Variants in CDKL2 observed in about 807,000 individuals in gnomAD.
CDKL2 encodes the protein cyclin dependent kinase like 2.
Under a neutral mutation model 63.9 loss-of-function variants are expected in CDKL2, and 64 were observed. The observed-to-expected ratio is 1.00, with a 90% CI of 0.82 to 1.23. CDKL2 has a LOEUF of 1.23. Among genes scored for constraint, CDKL2 ranks in the 50% most tolerant of loss-of-function variants. CDKL2 has a pLI of 0.00. For synonymous variants in CDKL2, 211 were observed against 229.2 expected (o/e 0.92, Z 0.72); for missense variants, 656 against 668.0 (o/e 0.98, Z 0.20).
rs762462078 is a variant in CDKL2 at position 75,614,315 on chromosome 4, T to G, written c.303A>C (p.Gln101His). Residue 101 changes from glutamine (Q) to histidine (H), a missense_variant, in exon 3 of 14, where the codon CAA becomes CAC. Transcript: ENST00000307465. The stretch of plus-strand genomic sequence containing the variant: ...TCTGAAACAAATACTTTTGAACTAC[T>G]TGGTAGTCTAGTCCATTTGGAAAGA... Reference protein sequence around the residue: ...LELFPNGLDYQVVQKYLFQII... With the variant: ...LELFPNGLDYHVVQKYLFQII... 8.7e-6 allele frequency: 14 copies of G among 1,611,758 alleles called. No individual in the cohort carries two copies. Among genetic ancestry groups the G allele is most frequent in the Non-Finnish European group, 1.1e-5 (13 of 1,179,102 alleles).
Position 75,591,895 on chromosome 4 carries a change from C to T in CDKL2, c.1571G>A (p.Ser524Asn). The change falls in exon 12 of 14, where the codon AGC becomes AAC. Residue 524 changes from serine to asparagine, a missense_variant. Physicochemically the swap from Ser to Asn is conservative, Grantham distance 46. Coordinates refer to ENST00000307465, the MANE Select transcript of CDKL2 (RefSeq NM_001330724.2). The stretch of plus-strand genomic sequence containing the variant: ...AATTCGAGATTCTGAAAGAATTTTG[C>T]TCTCTTTCTTTGTTAGCCTGGAATT... ...ARNSRLTKKESKILSESRIPS... is the reference protein window; with the variant it reads ...ARNSRLTKKENKILSESRIPS... The T allele has an allele frequency of 6.5e-7, 1 of 1,535,926 alleles. No individual in the cohort carries two copies. Among genetic ancestry groups the T allele is most frequent in the Non-Finnish European group, 8.7e-7 (1 of 1,146,794 alleles).
At chr4:75,585,869 AAAC>A (rs1485620772) in intron 12 of CDKL2, among the ~76,000 whole-genome samples, 1 of 152,254 alleles carries the variant, frequency 6.6e-6, no homozygotes, top group Non-Finnish European at 1.5e-5. Flanking sequence ...TGATAGACCT[AAAC>A]AAAAAAAATT....
At position 75,576,705 on chromosome 4, in the gene CDKL2, A is replaced by T. The variant is rs1578304788; in HGVS notation, c.*2497T>A. On this transcript the variant is annotated 3_prime_UTR_variant, in exon 14 of 14. Coordinates refer to ENST00000307465, the MANE Select transcript of CDKL2 (RefSeq NM_001330724.2). Reference sequence around the variant, plus strand: ...AGAGGAGGACTTAGAAAACAAATCGATCACATTTTTCAGTCTAGTCTGATA... The same window carrying T: ...AGAGGAGGACTTAGAAAACAAATCGTTCACATTTTTCAGTCTAGTCTGATA... Among the ~76,000 whole-genome samples, 1 of 152,218 alleles carries T rather than the reference A, an allele frequency of 6.6e-6. No homozygotes were observed. Among genetic ancestry groups the T allele is most frequent in the African/African-American group, 2.4e-5 (1 of 41,456 alleles).
chr4:75,601,477 A>G (rs4859537), intron 6 of CDKL2, among the ~76,000 whole-genome samples: 132,283 of 152,050 alleles, frequency 0.87, 57,575 homozygotes, highest in East Asian at 0.92. Context: ...AAAATAATAC[A>G]TCTGGGATTT....
At chr4:75,619,944 G>A (rs1025290240) in intron 2 of CDKL2, among the ~76,000 whole-genome samples, 1 of 152,234 alleles carries the variant, frequency 6.6e-6, no homozygotes, top group Admixed American at 6.5e-5. Flanking sequence ...TAGCATTTGG[G>A]TAGGTTGAGG....
At position 75,609,664 on chromosome 4, in the gene CDKL2, A is replaced by AAT. The variant is rs921418080; in HGVS notation, c.364-2305_364-2304dup. Among the ~76,000 whole-genome samples, 24 of 147,640 alleles carry AAT rather than the reference A, an allele frequency of 1.6e-4. No homozygotes were observed. The East Asian group carries it at 2.2e-3, about 13-fold the overall frequency. On this transcript the variant is annotated intron_variant, in intron 3 of 13. Coordinates refer to ENST00000307465, the MANE Select transcript of CDKL2 (RefSeq NM_001330724.2). ...ATCATATATGATATATTATATATAT[A>AAT]ATATATATATATTTAAAAATCTACA... is the stretch of plus-strand genomic sequence containing the variant.
At chr4:75,629,731 C>T (rs920873137) in intron 1 of CDKL2, among the ~76,000 whole-genome samples, 1 of 151,950 alleles carries the variant, frequency 6.6e-6, no homozygotes, top group African/African-American at 2.4e-5. Flanking sequence ...CCTGAGGTTG[C>T]GAGTTCGAGA....
chr4:75,619,577 TAAAAAA>T (rs71203836), intron 2 of CDKL2, among the ~76,000 whole-genome samples: 3,744 of 78,150 alleles, frequency 0.048, 60 homozygotes, highest in Non-Finnish European at 0.068. Flanking sequence ...CACAGCTGTA[TAAAAAA>T]AAAAAAAAAA....
chr4:75,588,970 C>T (rs1377483118), intron 12 of CDKL2, among the ~76,000 whole-genome samples: 2 of 151,970 alleles, frequency 1.3e-5, no homozygotes, highest in Non-Finnish European at 2.9e-5. Context: ...AAAAACTGGA[C>T]TAATTTGAAC....
chr4:75,580,634 T>C (rs1357984627), intron 13 of CDKL2, among the ~76,000 whole-genome samples: 2 of 147,194 alleles, frequency 1.4e-5, no homozygotes, highest in African/African-American at 2.5e-5. Context: ...GCCACTGCAC[T>C]CCAGCCTGGA....
chr4:75,627,214 A>G lies in CDKL2; in HGVS notation c.-29-1197T>C, dbSNP rs1321013606. On this transcript the variant is annotated intron_variant, in intron 1 of 13. Transcript: ENST00000307465. ...TGAGACTCTGTCTCAAAAAAAAAAA[A>G]GCACAATTCCTTTTCACTCAAAGAT... is the stretch of plus-strand genomic sequence containing the variant. Among the ~76,000 whole-genome samples the G allele has an allele frequency of 9.2e-5, 14 of 151,550 alleles. 1 individual carries two copies. In the South Asian group the frequency reaches 2.1e-3, roughly 23 times the overall value.
intron 12 of CDKL2, among the ~76,000 whole-genome samples, chr4:75,584,526 C>T (rs1238086977): frequency 6.6e-6 from 1 of 152,186 alleles, no homozygotes; most frequent in Non-Finnish European, 1.5e-5. Flanking sequence ...GCCCTAGCTC[C>T]TGACCCAGAA....
intron 12 of CDKL2, among the ~76,000 whole-genome samples, chr4:75,589,921 G>T (rs1393736354): frequency 6.6e-6 from 1 of 151,822 alleles, no homozygotes; most frequent in Non-Finnish European, 1.5e-5. Context: ...GTTCAAGGCT[G>T]CAGTGAGCTA....
At chr4:75,604,634 CA>C (rs1729344421) in intron 5 of CDKL2, among the ~76,000 whole-genome samples, 1 of 152,182 alleles carries the variant, frequency 6.6e-6, no homozygotes, top group South Asian at 2.1e-4. Context: ...AAGATTAAAT[CA>C]ACCTTGGAAA....
chr4:75,598,321 T>C (rs1388890943), intron 7 of CDKL2, 109 bp from the exon 8 acceptor site: 2 of 574,860 alleles, frequency 3.5e-6, no homozygotes, highest in Non-Finnish European at 5.5e-6. Flanking sequence ...CTAGTCTATG[T>C]TATTAAAAAT....
rs567589801 is a variant in CDKL2, at chr4:75,603,877, T to C, written c.735A>G (p.Glu245=). ...FAGVRLPEIK[E]REPLERRYPK... is the part of the protein sequence containing the mutation. ...GATAGCGTCTTTCAAGAGGTTCTCT[T>C]TCCTTGATTTCAGGCAACCTTACTC... The change falls in exon 6 of 14, where the codon GAA becomes GAG. Residue 245 remains glutamate (E), a synonymous_variant. Transcript: ENST00000307465. 1.5e-5 allele frequency: 25 copies of C among 1,613,704 alleles called. 1 individual carries two copies. The South Asian group carries it at 2.6e-4, about 17-fold the overall frequency.
intron 10 of CDKL2, among the ~76,000 whole-genome samples, chr4:75,594,319 G>A (rs948336150): frequency 2.0e-5 from 3 of 152,046 alleles, no homozygotes; most frequent in East Asian, 1.9e-4. Flanking sequence ...GTGGTGGCAG[G>A]TGCCTGTAAT....
At chr4:75,610,911 T>C (rs1446388003) in intron 3 of CDKL2, among the ~76,000 whole-genome samples, 4 of 152,170 alleles carry the variant, frequency 2.6e-5, no homozygotes, top group Admixed American at 6.5e-5. Context: ...AAGAGAAATG[T>C]TAACTGCCCA....
At position 75,589,367 on chromosome 4, in the gene CDKL2, G is replaced by T. The variant is rs1427460250; in HGVS notation, c.1647+2452C>A. Among the ~76,000 whole-genome samples, 4 of 146,868 alleles carry T rather than the reference G, an allele frequency of 2.7e-5. No homozygotes were observed. The Admixed American group carries it at 2.7e-4, about 10-fold the overall frequency. On this transcript the variant is annotated intron_variant, in intron 12 of 13. Coordinates refer to ENST00000307465, the MANE Select transcript of CDKL2 (RefSeq NM_001330724.2). ...TCGCCCAGGCTGGAGTGCAGTGGCG[G>T]GATCTCGGCTCACTGCAAGCTCCGC...
Sources: allele counts gnomAD v4.1 joint callset (sites outside exome capture counted in the v4.1 genomes callset), GRCh38; gene constraint gnomAD v4.1.1; transcripts MANE v1.5; gene names NCBI Gene and HGNC (gene_info 2026-07-23, HGNC 2026-07-21).